TG: variants seen among roughly 807,000 people sequenced by gnomAD.
TG encodes thyroglobulin.
A neutral mutation model predicts 324.7 loss-of-function variants in TG; 270 were observed. The observed-to-expected ratio is 0.83, with a 90% confidence interval of 0.75 to 0.92. TG has a LOEUF of 0.92. Among genes scored for constraint, TG ranks in the 40% least tolerant of loss-of-function variants. TG has a pLI of 0.00. For missense variants in TG, 3,591 were observed against 3,456.4 expected, an observed-to-expected ratio of 1.04 and a Z score of -0.98; for synonymous variants, 1,401 against 1,327.0, an observed-to-expected ratio of 1.06 and a Z score of -1.21.
At chr8:132,962,902 G>A in intron 28 of TG, 92 bp from the exon 29 acceptor site, 1 of 1,237,130 alleles carries the variant, frequency 8.1e-7, no homozygotes, top group South Asian at 1.2e-5. Flanking sequence ...TTTAGGGCCT[G>A]ATTTTTCTCA....
At chr8:133,036,470 A>G (rs1027549124) in intron 41 of TG, among the ~76,000 whole-genome samples, 3 of 152,196 alleles carry the variant, frequency 2.0e-5, no homozygotes, top group Non-Finnish European at 4.4e-5. Context: ...ACGTTTTTAT[A>G]ACAATCGTTC....
At chr8:133,028,225 G>C (rs912534252) in intron 40 of TG, among the ~76,000 whole-genome samples, 1 of 152,194 alleles carries the variant, frequency 6.6e-6, no homozygotes, top group African/African-American at 2.4e-5. Flanking sequence ...TGACTCAGTT[G>C]GTGCCCTGCT....
intron 45 of TG, among the ~76,000 whole-genome samples, chr8:133,122,000 C>T (rs767142738): frequency 4.6e-5 from 7 of 152,200 alleles, no homozygotes; most frequent in Non-Finnish European, 1.0e-4. Context: ...TGTCACATCT[C>T]TCATTTTATT....
At chr8:132,907,053 A>G (rs1818797533) in intron 17 of TG, among the ~76,000 whole-genome samples, 153 bp downstream of exon 17, 1 of 152,168 alleles carries the variant, frequency 6.6e-6, no homozygotes, top group African/African-American at 2.4e-5. Flanking sequence ...AGAGAGTCCC[A>G]TGGAGCATTT....
chr8:132,981,967 G>T (rs1830918287), intron 34 of TG, among the ~76,000 whole-genome samples: 1 of 152,174 alleles, frequency 6.6e-6, no homozygotes, highest in Non-Finnish European at 1.5e-5. Flanking sequence ...AGGACTTTGG[G>T]ACCAGAACAC....
At chr8:133,084,716 C>T (rs986094157) in intron 41 of TG, among the ~76,000 whole-genome samples, 1 of 152,236 alleles carries the variant, frequency 6.6e-6, no homozygotes, top group Admixed American at 6.5e-5. Context: ...CTCCATTTCC[C>T]AGCAGAAGTG....
chr8:132,897,608 G>A (rs1160143472), intron 11 of TG, 41 bp from the exon 12 acceptor site: 1 of 1,613,670 alleles, frequency 6.2e-7, no homozygotes, highest in Admixed American at 1.7e-5. Flanking sequence ...CCCACACAGA[G>A]CAGGTGGTCA....
At chr8:132,896,665 C>T (rs994547599) in intron 11 of TG, among the ~76,000 whole-genome samples, 3 of 152,290 alleles carry the variant, frequency 2.0e-5, no homozygotes, top group East Asian at 1.9e-4. Flanking sequence ...GTGTCCCACC[C>T]GCTGCCCACC....
At chr8:133,085,745 T>C (rs952974870) in intron 41 of TG, among the ~76,000 whole-genome samples, 1 of 152,182 alleles carries the variant, frequency 6.6e-6, no homozygotes, top group Non-Finnish European at 1.5e-5. Context: ...TATGAAGAAG[T>C]AAAAGCATTC....
chr8:133,045,387 C>CTT (rs5895172), intron 41 of TG, among the ~76,000 whole-genome samples: 1,039 of 65,918 alleles, frequency 0.016, no homozygotes, highest in Non-Finnish European at 0.018. Flanking sequence ...ATCCTCTTTG[C>CTT]TTTTTTTTTT....
intron 23 of TG, among the ~76,000 whole-genome samples, chr8:132,930,835 A>G (rs535386915): frequency 4.3e-4 from 66 of 152,318 alleles, no homozygotes; most frequent in African/African-American, 1.5e-3. Flanking sequence ...AGTGTCTAAA[A>G]TATGCTGAGA....
At position 133,078,247 on chromosome 8, in the gene TG, A is replaced by G. The variant is rs540569423; in HGVS notation, c.7240-16797A>G. ...GGAATTAGGGCTTGGAAGCTACAGT[A>G]TGGGCAGCCTGTGAGCTGCATCTTA... On this transcript the variant is annotated intron_variant, in intron 41 of 47. Transcript: ENST00000220616. 1.2e-4 allele frequency among the ~76,000 whole-genome samples: 19 copies of G among 152,304 alleles called. 1 individual carries two copies. Among genetic ancestry groups the G allele is most frequent in the South Asian group, 1.0e-3 (5 of 4,830 alleles).
Position 132,895,575 on chromosome 8 carries a change from A to G in TG, c.3001+1646A>G, listed in dbSNP as rs145084732. Reference sequence around the variant, plus strand: ...CAAGGAGCTGAGTAGCTGGTGGTTAACCATCCTTATTGCTTTCTTCCTCCC... The same window carrying G: ...CAAGGAGCTGAGTAGCTGGTGGTTAGCCATCCTTATTGCTTTCTTCCTCCC... On this transcript the variant is annotated intron_variant, in intron 11 of 47. Coordinates refer to ENST00000220616, the MANE Select transcript of TG (RefSeq NM_003235.5). Among the ~76,000 whole-genome samples the G allele has an allele frequency of 4.6e-3, 703 of 152,292 alleles. 5 individuals carry two copies. The highest frequency in any genetic ancestry group is 0.027 in the Middle Eastern group (8 of 294).
chr8:132,919,250 T>C, intron 20 of TG, 126 bp from the exon 21 acceptor site: 1 of 1,030,678 alleles, frequency 9.7e-7, no homozygotes, highest in Non-Finnish European at 1.5e-6. Flanking sequence ...AGGTTCTCAG[T>C]GGACATTTGT....
intron 41 of TG, among the ~76,000 whole-genome samples, chr8:133,093,202 T>G (rs1417420774): frequency 6.6e-6 from 1 of 150,942 alleles, no homozygotes; most frequent in Non-Finnish European, 1.5e-5. Context: ...TGCTCATTGT[T>G]GGAAAAATAA....
At chr8:132,934,069 G>T (rs964183240) in intron 24 of TG, among the ~76,000 whole-genome samples, 2 of 151,992 alleles carry the variant, frequency 1.3e-5, no homozygotes, top group Non-Finnish European at 1.5e-5. Context: ...ACGGTGGCTC[G>T]CATCTGTAAT....
At chr8:132,896,581 A>G (rs1587298377) in intron 11 of TG, among the ~76,000 whole-genome samples, 1 of 152,166 alleles carries the variant, frequency 6.6e-6, no homozygotes, top group African/African-American at 2.4e-5. Context: ...GCGACAGTTC[A>G]TGGCCACTTA....
intron 34 of TG, among the ~76,000 whole-genome samples, chr8:132,982,508 C>A (rs1168002460): frequency 1.3e-5 from 2 of 152,304 alleles, no homozygotes; most frequent in East Asian, 3.9e-4. Flanking sequence ...TTTATCAATG[C>A]TGAAACTGAA....
chr8:133,006,056 T>A (rs1833989844), intron 35 of TG, among the ~76,000 whole-genome samples: 1 of 152,178 alleles, frequency 6.6e-6, no homozygotes, highest in Admixed American at 6.5e-5. Context: ...ACAAACGCAA[T>A]GGTCCATGTG....
Sources: gnomAD v4.1 joint callset for allele counts (sites outside exome capture counted in the v4.1 genomes callset) on GRCh38, gnomAD v4.1.1 for gene constraint, MANE v1.5 for transcripts, NCBI Gene and HGNC (gene_info 2026-07-23, HGNC 2026-07-21) for gene names.